AGAP1: variants seen among roughly 807,000 people sequenced by gnomAD.
AGAP1 encodes the protein arf-GAP with GTPase, ANK repeat and PH domain-containing protein 1.
In AGAP1, 29 loss-of-function variants were observed where a neutral mutation model predicts 105.3. That is an observed-to-expected ratio of 0.28 (90% CI 0.21 to 0.38). AGAP1 has a LOEUF of 0.38. AGAP1 is among the 10% of genes least tolerant of loss of function. The pLI, the probability that AGAP1 is intolerant of heterozygous loss-of-function variation, is 1.00. For missense variants in AGAP1, 998 were observed against 1,165.1 expected, an observed-to-expected ratio of 0.86 and a Z score of 2.09; for synonymous variants, 509 against 485.9, an observed-to-expected ratio of 1.05 and a Z score of -0.63.
At chr2:235,999,889 C>T (rs376663150) in intron 13 of AGAP1, among the ~76,000 whole-genome samples, 3 of 151,994 alleles carry the variant, frequency 2.0e-5, no homozygotes, top group Non-Finnish European at 2.9e-5. Flanking sequence ...TTGTAAGTCA[C>T]GATTTGTGGG....
chr2:236,098,629 T>C (rs1002589470), intron 16 of AGAP1, among the ~76,000 whole-genome samples: 2 of 145,930 alleles, frequency 1.4e-5, no homozygotes, highest in Admixed American at 6.8e-5. Flanking sequence ...CCTTTTTTTT[T>C]TTTTTTTTTT....
chr2:235,788,099 T>A lies in AGAP1; in HGVS notation c.674-9660T>A, dbSNP rs528293269. The stretch of plus-strand genomic sequence containing the variant: ...CTCATGGGGTCATCCTGACTTAACC[T>A]GATGGGTAGGACTTACTTGAGTAGG... On this transcript the variant is annotated intron_variant, in intron 6 of 17. Coordinates refer to ENST00000304032, the MANE Select transcript of AGAP1 (RefSeq NM_001037131.3). The surrounding 1 kb of genome is among the most constrained non-coding windows in gnomAD (Gnocchi z 6.0). 6.6e-6 allele frequency among the ~76,000 whole-genome samples: 1 copy of A among 152,256 alleles called. No homozygotes were observed. The highest frequency in any genetic ancestry group is 2.1e-4 in the South Asian group (1 of 4,826).
At chr2:235,876,759 T>G (rs1169599102) in intron 9 of AGAP1, among the ~76,000 whole-genome samples, 1 of 152,168 alleles carries the variant, frequency 6.6e-6, no homozygotes, top group Non-Finnish European at 1.5e-5. Context: ...CTTGCCTGCC[T>G]TCCTTCTCCT....
rs1441794636 is a variant in AGAP1, at chr2:235,553,480, C to T, written c.163+58631C>T. Among the ~76,000 whole-genome samples, 1 of 152,120 alleles carries T rather than the reference C, an allele frequency of 6.6e-6. No individual in the cohort carries two copies. Among genetic ancestry groups the T allele is most frequent in the Non-Finnish European group, 1.5e-5 (1 of 68,022 alleles). ...GATTAGTTAAGAACTGATTTGAGGT[C>T]ACTAGCACATGGTGAGTAGTTAGTA... On this transcript the variant is annotated intron_variant, in intron 1 of 17. Coordinates refer to ENST00000304032, the MANE Select transcript of AGAP1 (RefSeq NM_001037131.3). The surrounding 1 kb of genome is among the most constrained non-coding windows in gnomAD (Gnocchi z 4.5).
intron 1 of AGAP1, among the ~76,000 whole-genome samples, chr2:235,540,408 C>T (rs988183284): frequency 3.3e-5 from 5 of 152,156 alleles, no homozygotes; most frequent in African/African-American, 9.7e-5. Context: ...CTGCCTCGGC[C>T]TCCCAAAATG....
intron 1 of AGAP1, among the ~76,000 whole-genome samples, chr2:235,585,310 G>T (rs1010645685): frequency 6.6e-6 from 1 of 152,134 alleles, no homozygotes; most frequent in African/African-American, 2.4e-5. Flanking sequence ...TGCATTCCTG[G>T]CCTTAGCTCT....
At chr2:235,818,696 T>C (rs1575546806) in intron 9 of AGAP1, among the ~76,000 whole-genome samples, 1 of 152,044 alleles carries the variant, frequency 6.6e-6, no homozygotes, top group Middle Eastern at 3.2e-3. Flanking sequence ...TCCTGCCTCA[T>C]CCTCCTAAGT....
rs1946608952 is a variant in AGAP1, at chr2:235,625,471, G to A, written c.164-83708G>A. ...GGTGCCTTTCCTTTGGAGGGATGGTGGGTTTCAATGGTTTGAAAGAGAAAA... is the reference window on the plus strand; with the variant it reads ...GGTGCCTTTCCTTTGGAGGGATGGTAGGTTTCAATGGTTTGAAAGAGAAAA... On this transcript the variant is annotated intron_variant, in intron 1 of 17. Transcript: ENST00000304032. The surrounding 1 kb of genome is among the most constrained non-coding windows in gnomAD (Gnocchi z 4.0). 6.6e-6 allele frequency among the ~76,000 whole-genome samples: 1 copy of A among 152,166 alleles called. No homozygotes were observed. The highest frequency in any genetic ancestry group is 1.5e-5 in the Non-Finnish European group (1 of 68,032).
Position 235,705,693 on chromosome 2 carries a change from C to T in AGAP1, c.164-3486C>T, listed in dbSNP as rs551245559. 2.0e-5 allele frequency among the ~76,000 whole-genome samples: 3 copies of T among 152,280 alleles called. No homozygotes were observed. In the East Asian group the frequency reaches 5.8e-4, roughly 29 times the overall value. On this transcript the variant is annotated intron_variant, in intron 1 of 17. Coordinates refer to ENST00000304032, the MANE Select transcript of AGAP1 (RefSeq NM_001037131.3). This position sits in a 1 kb window ranked among gnomAD's most constrained non-coding sequence, Gnocchi z 4.9. ...TTGATGAAAGTTTTTAAAATAAATA[C>T]TTTTTAATGGGAGATGAAGAGTTTT...
chr2:235,708,880 A>G lies in AGAP1; in HGVS notation c.164-299A>G, dbSNP rs139568045. On this transcript the variant is annotated intron_variant, in intron 1 of 17. Coordinates refer to ENST00000304032, the MANE Select transcript of AGAP1 (RefSeq NM_001037131.3). Reference sequence around the variant, plus strand: ...AGGAGGGTCTGAAGATACACGCTCCACTGAAGGGCTGTGGCTTTAGCAGGG... The same window carrying G: ...AGGAGGGTCTGAAGATACACGCTCCGCTGAAGGGCTGTGGCTTTAGCAGGG... Among the ~76,000 whole-genome samples the G allele has an allele frequency of 6.1e-4, 93 of 152,342 alleles. No individual in the cohort carries two copies. In the East Asian group the frequency reaches 0.016, roughly 27 times the overall value.
intron 1 of AGAP1, among the ~76,000 whole-genome samples, chr2:235,533,399 G>T (rs1943108073): frequency 6.6e-6 from 1 of 152,186 alleles, no homozygotes; most frequent in South Asian, 2.1e-4. Context: ...GACAAGTGGA[G>T]AACGGTCTTA....
At chr2:235,624,242 G>A (rs13426366) in intron 1 of AGAP1, among the ~76,000 whole-genome samples, 6,457 of 152,268 alleles carry the variant, frequency 0.042, 393 homozygotes, top group African/African-American at 0.14. Context: ...TGCTTTCTCT[G>A]TATGTTGTGC....
In AGAP1 at chr2:235,714,627, C is replaced by T. The variant is rs1951007178; in HGVS notation, c.223-2930C>T. On this transcript the variant is annotated intron_variant, in intron 2 of 17. Transcript: ENST00000304032. This position sits in a 1 kb window ranked among gnomAD's most constrained non-coding sequence, Gnocchi z 4.1. Reference sequence around the variant, plus strand: ...ATAGGTTTTAGAAAGGCCACTCTGGCTGATGAGTAGAGAGTGGGAGCGGCC... The same window carrying T: ...ATAGGTTTTAGAAAGGCCACTCTGGTTGATGAGTAGAGAGTGGGAGCGGCC... Among the ~76,000 whole-genome samples the T allele has an allele frequency of 6.6e-6, 1 of 151,784 alleles. No homozygotes were observed. Among genetic ancestry groups the T allele is most frequent in the South Asian group, 2.1e-4 (1 of 4,806 alleles).
intron 9 of AGAP1, among the ~76,000 whole-genome samples, chr2:235,869,576 G>A (rs2049341908): frequency 6.6e-6 from 1 of 152,186 alleles, no homozygotes; most frequent in African/African-American, 2.4e-5. Flanking sequence ...ACTCCAGCCT[G>A]AGCGACAGAG....
At position 236,082,142 on chromosome 2, in the gene AGAP1, T is replaced by C. The variant is rs2125837793; in HGVS notation, c.2114+32861T>C. Reference sequence around the variant, plus strand: ...TTCCCCCGATCACATTTGCTAGATGTCCATTTCTGTAAGTTTTCCCTCTAG... The same window carrying C: ...TTCCCCCGATCACATTTGCTAGATGCCCATTTCTGTAAGTTTTCCCTCTAG... On this transcript the variant is annotated intron_variant, in intron 16 of 17. Transcript: ENST00000304032. This position sits in a 1 kb window ranked among gnomAD's most constrained non-coding sequence, Gnocchi z 4.2. Among the ~76,000 whole-genome samples the C allele has an allele frequency of 6.6e-6, 1 of 152,350 alleles. No individual in the cohort carries two copies. Among genetic ancestry groups the C allele is most frequent in the South Asian group, 2.1e-4 (1 of 4,830 alleles).
chr2:235,785,396 GA>G (rs1362764541), intron 6 of AGAP1, among the ~76,000 whole-genome samples: 1 of 152,124 alleles, frequency 6.6e-6, no homozygotes, highest in Non-Finnish European at 1.5e-5. Context: ...TTTTTAAAAA[GA>G]AAACCAATTA....
chr2:235,804,972 G>A (rs1453238000), intron 8 of AGAP1, among the ~76,000 whole-genome samples: 1 of 152,194 alleles, frequency 6.6e-6, no homozygotes, highest in East Asian at 1.9e-4. Flanking sequence ...AGTTAGCAGA[G>A]AAAGGAAACC....
intron 1 of AGAP1, among the ~76,000 whole-genome samples, chr2:235,675,250 C>CG (rs1948671877): frequency 6.9e-6 from 1 of 145,444 alleles, no homozygotes; most frequent in Non-Finnish European, 1.5e-5. Context: ...AGTGCAGTGG[C>CG]GCGATCTCAG....
intron 1 of AGAP1, among the ~76,000 whole-genome samples, chr2:235,542,224 G>T (rs576960089): frequency 6.6e-6 from 1 of 152,122 alleles, no homozygotes; most frequent in Admixed American, 6.6e-5. Flanking sequence ...TCCCGGGGGG[G>T]GGCCAGTTGT....
Sources: allele counts gnomAD v4.1 joint callset (sites outside exome capture counted in the v4.1 genomes callset), GRCh38; gene constraint gnomAD v4.1.1; non-coding constraint Gnocchi (gnomAD v3.1); transcripts MANE v1.5; gene names NCBI Gene and HGNC (gene_info 2026-07-23, HGNC 2026-07-21).